Variants in ST6GALNAC3 observed in about 807,000 individuals in gnomAD.
The protein encoded by ST6GALNAC3 is alpha-N-acetylgalactosaminide alpha-2,6-sialyltransferase 3.
A neutral mutation model predicts 32.7 loss-of-function variants in ST6GALNAC3; 25 were observed. The observed-to-expected ratio is 0.76, with a 90% CI of 0.56 to 1.07. The LOEUF is 1.07. ST6GALNAC3 is among the 50% of genes least tolerant of loss of function. The pLI is 0.00. For missense variants in ST6GALNAC3, 355 were observed against 382.4 expected (o/e 0.93, Z 0.60); for synonymous variants, 129 against 133.1 (o/e 0.97, Z 0.21).
At chr1:76,512,970 T>C (rs1435874055) in intron 3 of ST6GALNAC3, among the ~76,000 whole-genome samples, 1 of 121,148 alleles carries the variant, frequency 8.3e-6, no homozygotes, top group Non-Finnish European at 1.9e-5. Context: ...TTGAAAAATA[T>C]CTATTTAGGT....
At chr1:76,124,980 C>G (rs553681361) in intron 1 of ST6GALNAC3, among the ~76,000 whole-genome samples, 1 of 152,102 alleles carries the variant, frequency 6.6e-6, no homozygotes, top group Non-Finnish European at 1.5e-5. Flanking sequence ...TAAAATAGCT[C>G]ATTAATAATT....
At chr1:76,532,877 T>A (rs79285231) in intron 3 of ST6GALNAC3, among the ~76,000 whole-genome samples, 22 of 129,884 alleles carry the variant, frequency 1.7e-4, no homozygotes, top group African/African-American at 3.0e-4. Context: ...ATGCTTTTTT[T>A]AAAAATATCA....
At chr1:76,521,465 C>T (rs969070409) in intron 3 of ST6GALNAC3, among the ~76,000 whole-genome samples, 14 of 152,096 alleles carry the variant, frequency 9.2e-5, no homozygotes, top group African/African-American at 2.2e-4. Context: ...AGCAAACCCC[C>T]TGCCTTAGCT....
chr1:76,534,038 C>T (rs992150907), intron 3 of ST6GALNAC3, among the ~76,000 whole-genome samples: 1 of 151,838 alleles, frequency 6.6e-6, no homozygotes, highest in Non-Finnish European at 1.5e-5. Context: ...TTTACCCAGT[C>T]CTATATCTTT....
At chr1:76,608,508 G>A (rs1234159893) in intron 3 of ST6GALNAC3, among the ~76,000 whole-genome samples, 1 of 151,992 alleles carries the variant, frequency 6.6e-6, no homozygotes, top group African/African-American at 2.4e-5. Context: ...GAGGCATGAG[G>A]GCATTTGATA....
intron 3 of ST6GALNAC3, among the ~76,000 whole-genome samples, chr1:76,467,266 T>C (rs1314370187): frequency 2.0e-5 from 3 of 151,946 alleles, no homozygotes; most frequent in Non-Finnish European, 2.9e-5. Flanking sequence ...GATGAAGCAG[T>C]GTAGCTTGTG....
At chr1:76,482,872 C>A (rs1659824218) in intron 3 of ST6GALNAC3, among the ~76,000 whole-genome samples, 1 of 125,660 alleles carries the variant, frequency 8.0e-6, no homozygotes, top group African/African-American at 2.9e-5. Context: ...CTATCCCTCC[C>A]CCCTCCCCCC....
intron 2 of ST6GALNAC3, among the ~76,000 whole-genome samples, chr1:76,321,918 A>C (rs1646974700): frequency 6.6e-6 from 1 of 152,276 alleles, no homozygotes; most frequent in East Asian, 1.9e-4. Context: ...AACTAGATTG[A>C]TTTTCACTTT....
intron 2 of ST6GALNAC3, among the ~76,000 whole-genome samples, chr1:76,383,689 T>G (rs1571041674): frequency 6.6e-6 from 1 of 152,250 alleles, no homozygotes; most frequent in East Asian, 1.9e-4. Flanking sequence ...AAGGAGCATA[T>G]AGATAAATGT....
intron 3 of ST6GALNAC3, among the ~76,000 whole-genome samples, chr1:76,463,309 T>C (rs894842385): frequency 6.6e-6 from 1 of 152,172 alleles, no homozygotes; most frequent in East Asian, 1.9e-4. Flanking sequence ...GTGGCATTCA[T>C]GTAGGATTTC....
At chr1:76,255,548 C>G (rs758739500) in intron 1 of ST6GALNAC3, among the ~76,000 whole-genome samples, 1 of 152,060 alleles carries the variant, frequency 6.6e-6, no homozygotes, top group Non-Finnish European at 1.5e-5. Context: ...TCAGCCCTTG[C>G]GTATATTTTG....
At chr1:76,530,141 C>T (rs1156306121) in intron 3 of ST6GALNAC3, among the ~76,000 whole-genome samples, 2 of 152,154 alleles carry the variant, frequency 1.3e-5, no homozygotes, top group Non-Finnish European at 2.9e-5. Context: ...CCACAAACCT[C>T]GGTGAAATAG....
chr1:76,548,024 G>C (rs1368477044), intron 3 of ST6GALNAC3, among the ~76,000 whole-genome samples: 1 of 152,026 alleles, frequency 6.6e-6, no homozygotes, highest in African/African-American at 2.4e-5. Flanking sequence ...TAGTGCCTGG[G>C]TAAGAAAATA....
rs1008917156 is a variant in ST6GALNAC3 at position 76,427,341 on chromosome 1, G to T, written c.623+14924G>T. ...CTCAAATGTGCTCTGGGGACCATCTGCTTCAGAATCTTCTGGAGGGTTCTG... is the reference window on the plus strand; with the variant it reads ...CTCAAATGTGCTCTGGGGACCATCTTCTTCAGAATCTTCTGGAGGGTTCTG... On this transcript the variant is annotated intron_variant, in intron 3 of 4. Transcript: ENST00000328299. Among the ~76,000 whole-genome samples, 20 of 151,962 alleles carry T rather than the reference G, an allele frequency of 1.3e-4. 1 individual carries two copies. The highest frequency in any genetic ancestry group is 4.8e-4 in the African/African-American group (20 of 41,400).
At chr1:76,377,419 T>C (rs765191677) in intron 2 of ST6GALNAC3, among the ~76,000 whole-genome samples, 15 of 151,630 alleles carry the variant, frequency 9.9e-5, no homozygotes, top group Non-Finnish European at 1.9e-4. Flanking sequence ...CTTACAACTG[T>C]GGTGGGAGGG....
At position 76,548,317 on chromosome 1, in the gene ST6GALNAC3, C is replaced by T. The variant is rs375542878; in HGVS notation, c.624-79135C>T. ...GGCTGCAAATAAGAGGAAACTGTAT[C>T]GATAGTGGCCCAGGCCAGTAGATAT... On this transcript the variant is annotated intron_variant, in intron 3 of 4. Coordinates refer to ENST00000328299, the MANE Select transcript of ST6GALNAC3 (RefSeq NM_152996.4). Among the ~76,000 whole-genome samples, 7 of 152,222 alleles carry T rather than the reference C, an allele frequency of 4.6e-5. No individual in the cohort carries two copies. The East Asian group carries it at 1.2e-3, about 25-fold the overall frequency.
rs151017487 is a variant in ST6GALNAC3 at position 76,101,153 on chromosome 1, G to A, written c.18+26269G>A. Among the ~76,000 whole-genome samples, 118 of 152,222 alleles carry A rather than the reference G, an allele frequency of 7.8e-4. No homozygotes were observed. In the Middle Eastern group the frequency reaches 0.017, roughly 22 times the overall value. On this transcript the variant is annotated intron_variant, in intron 1 of 4. Coordinates refer to ENST00000328299, the MANE Select transcript of ST6GALNAC3 (RefSeq NM_152996.4). ...ACTGCCCTAAAAACACTCTGTGCCTGCCTATCCATCCCTCCCTTCTACCGT... is the reference window on the plus strand; with the variant it reads ...ACTGCCCTAAAAACACTCTGTGCCTACCTATCCATCCCTCCCTTCTACCGT...
At chr1:76,592,215 C>G (rs1221765936) in intron 3 of ST6GALNAC3, among the ~76,000 whole-genome samples, 3 of 151,940 alleles carry the variant, frequency 2.0e-5, no homozygotes, top group Non-Finnish European at 4.4e-5. Flanking sequence ...CCAGAGAGAT[C>G]GTCAAGAAGA....
intron 1 of ST6GALNAC3, among the ~76,000 whole-genome samples, chr1:76,189,664 G>A (rs1297596997): frequency 6.6e-6 from 1 of 152,206 alleles, no homozygotes; most frequent in Non-Finnish European, 1.5e-5. Context: ...GAGAATGTTA[G>A]CTTATTTTGC....
Sources: allele counts gnomAD v4.1 joint callset (sites outside exome capture counted in the v4.1 genomes callset), GRCh38; gene constraint gnomAD v4.1.1; transcripts MANE v1.5; gene names NCBI Gene and HGNC (gene_info 2026-07-23, HGNC 2026-07-21).